GALNT13: variants seen among roughly 807,000 people sequenced by gnomAD.
GALNT13 encodes polypeptide N-acetylgalactosaminyltransferase 13, also known as UDP-GalNAc:polypeptide N-acetylgalactosaminyltransferase 13.
Under a neutral mutation model 64.2 loss-of-function variants are expected in GALNT13, and 28 were observed. The ratio of observed to expected loss-of-function variants is 0.44; its 90% CI spans 0.32 to 0.60. The LOEUF (loss-of-function observed/expected upper bound fraction) is 0.60, where lower values mean the gene tolerates loss of function less well. GALNT13 is among the 20% of genes least tolerant of loss of function. The probability of loss-of-function intolerance (pLI) is 0.05; values close to 1 mark genes in which losing one functional copy is unlikely to be tolerated. For synonymous variants in GALNT13, 214 were observed against 224.6 expected (o/e 0.95, Z 0.42); for missense variants, 577 against 669.8 (o/e 0.86, Z 1.53).
the GALNT13 span, among the ~76,000 whole-genome samples, chr2:153,511,339 A>T: frequency 6.6e-6 from 1 of 151,732 alleles, no homozygotes. Flanking sequence ...GCAGGTTCCT[A>T]TAGATTAGGC....
the GALNT13 span, among the ~76,000 whole-genome samples, chr2:153,115,685 A>G: frequency 6.6e-6 from 1 of 152,164 alleles, no homozygotes; most frequent in South Asian, 2.1e-4. Flanking sequence ...TGGTCCTGGC[A>G]CACAGTAGGT....
the GALNT13 span, among the ~76,000 whole-genome samples, chr2:153,616,354 G>A: frequency 6.6e-6 from 1 of 151,928 alleles, no homozygotes; most frequent in African/African-American, 2.4e-5. Flanking sequence ...TTTGAAGTCA[G>A]ATAATGTGGT....
intron 3 of GALNT13, among the ~76,000 whole-genome samples, chr2:154,022,042 A>G (rs540097444): frequency 7.9e-5 from 12 of 152,116 alleles, no homozygotes; most frequent in Non-Finnish European, 1.6e-4. Context: ...CTTGCATCCC[A>G]GGGATGAAGC....
the GALNT13 span, among the ~76,000 whole-genome samples, chr2:153,435,240 A>G: frequency 1.3e-5 from 2 of 152,184 alleles, no homozygotes; most frequent in Admixed American, 6.6e-5. Flanking sequence ...GCCTTGTAAT[A>G]TAGTTTGAAG....
chr2:154,046,165 T>G (rs1699272218), intron 3 of GALNT13, among the ~76,000 whole-genome samples: 1 of 151,540 alleles, frequency 6.6e-6, no homozygotes, highest in South Asian at 2.1e-4. Flanking sequence ...AAAATAAAAA[T>G]AAAAAAAGAA....
At chr2:153,647,462 T>C in the GALNT13 span, among the ~76,000 whole-genome samples, 1 of 152,232 alleles carries the variant, frequency 6.6e-6, no homozygotes, top group African/African-American at 2.4e-5. Flanking sequence ...AGAAGCTCTT[T>C]AGTTTAATTA....
chr2:154,242,938 A>G, intron 6 of GALNT13, 33 bp downstream of exon 6: 1 of 1,550,216 alleles, frequency 6.5e-7, no homozygotes, highest in Non-Finnish European at 8.9e-7. Context: ...TGCCTGGGTT[A>G]TGACTGAACC....
In GALNT13 at chr2:153,885,232, C is replaced by G. The variant is rs16834704; in HGVS notation, c.-177+12929C>G. On this transcript the variant is annotated intron_variant, in intron 1 of 12. Coordinates refer to ENST00000392825, the MANE Select transcript of GALNT13 (RefSeq NM_052917.4). ...AAGACTGATACAGAGCTCTTACTTG[C>G]TCTGGGTCTTTATTAGACTAAAGGT... is the stretch of plus-strand genomic sequence containing the variant. Among the ~76,000 whole-genome samples, 1,204 of 152,004 alleles carry G rather than the reference C, an allele frequency of 7.9e-3. 16 individuals carry two copies. The highest frequency in any genetic ancestry group is 0.028 in the African/African-American group (1,143 of 41,494).
At chr2:153,263,707 C>G in the GALNT13 span, among the ~76,000 whole-genome samples, 1 of 152,074 alleles carries the variant, frequency 6.6e-6, no homozygotes, top group Non-Finnish European at 1.5e-5. Context: ...AATAATTCCC[C>G]ATTTCATAAA....
chr2:154,050,822 T>C (rs1429908338), intron 3 of GALNT13, among the ~76,000 whole-genome samples: 2 of 152,182 alleles, frequency 1.3e-5, no homozygotes, highest in Non-Finnish European at 2.9e-5. Context: ...CAACCTTCAC[T>C]TCAGGCATAC....
chr2:154,345,236 A>G (rs1362839459), intron 9 of GALNT13, among the ~76,000 whole-genome samples: 4 of 152,032 alleles, frequency 2.6e-5, no homozygotes, highest in Non-Finnish European at 1.5e-5. Context: ...TAGTAGCTGG[A>G]AAGTTCATAA....
At chr2:154,025,137 G>A (rs1165743719) in intron 3 of GALNT13, among the ~76,000 whole-genome samples, 3 of 152,104 alleles carry the variant, frequency 2.0e-5, no homozygotes, top group Non-Finnish European at 4.4e-5. Flanking sequence ...CTACTCGGGG[G>A]TCATGGACCC....
the GALNT13 span, among the ~76,000 whole-genome samples, chr2:153,409,050 G>A: frequency 2.6e-5 from 4 of 152,012 alleles, no homozygotes; most frequent in Non-Finnish European, 2.9e-5. Context: ...CAAGTTCTTC[G>A]GCTTTTAGGC....
chr2:153,321,487 T>A, the GALNT13 span, among the ~76,000 whole-genome samples: 2 of 152,198 alleles, frequency 1.3e-5, no homozygotes, highest in African/African-American at 4.8e-5. Flanking sequence ...TTTCTTCCAA[T>A]GGCAAAAAAA....
chr2:154,126,508 G>A (rs1301693753), intron 3 of GALNT13, among the ~76,000 whole-genome samples: 2 of 151,894 alleles, frequency 1.3e-5, no homozygotes, highest in Non-Finnish European at 2.9e-5. Context: ...GGTGGTGGGC[G>A]CCGGTAGTCC....
intron 8 of GALNT13, among the ~76,000 whole-genome samples, chr2:154,276,143 T>A (rs1574001214): frequency 6.6e-6 from 1 of 152,130 alleles, no homozygotes; most frequent in African/African-American, 2.4e-5. Flanking sequence ...TGCCTTGTCT[T>A]AGATGAGACT....
At chr2:153,591,629 T>C in the GALNT13 span, among the ~76,000 whole-genome samples, 1 of 151,778 alleles carries the variant, frequency 6.6e-6, no homozygotes, top group African/African-American at 2.4e-5. Context: ...TAAATTGTCA[T>C]GGGGGAAGAA....
the GALNT13 span, among the ~76,000 whole-genome samples, chr2:153,797,403 T>G: frequency 1.3e-5 from 2 of 152,216 alleles, no homozygotes; most frequent in East Asian, 1.9e-4. Flanking sequence ...GCAAAGGCCC[T>G]TTTTGAACTA....
intron 3 of GALNT13, among the ~76,000 whole-genome samples, chr2:154,135,788 A>G (rs1316573371): frequency 6.6e-6 from 1 of 152,068 alleles, no homozygotes; most frequent in African/African-American, 2.4e-5. Context: ...TGACCGTGAA[A>G]CTACACTTCA....
Sources: allele counts gnomAD v4.1 joint callset (sites outside exome capture counted in the v4.1 genomes callset), GRCh38; gene constraint gnomAD v4.1.1; transcripts MANE v1.5; gene names NCBI Gene and HGNC (gene_info 2026-07-23, HGNC 2026-07-21).